The following ABCC8 variants were observed in gnomAD, a reference collection of about 807,000 sequenced individuals.
The protein encoded by ABCC8 is ATP-binding cassette sub-family C member 8.
ABCC8 carries 137 observed loss-of-function variants against 188.0 expected under a neutral mutation model. The observed-to-expected ratio is 0.73, with a 90% CI of 0.63 to 0.84. The LOEUF (loss-of-function observed/expected upper bound fraction) is 0.84. Ranked by LOEUF, ABCC8 falls within the 40% of genes least tolerant of loss-of-function variation. ABCC8 has a pLI of 0.00. For synonymous variants in ABCC8, 797 were observed against 846.5 expected (o/e 0.94, Z 1.01); for missense variants, 1,750 against 2,072.7 (o/e 0.84, Z 3.02).
chr11:17,441,168 T>C (rs1344552855), intron 10 of ABCC8, among the ~76,000 whole-genome samples: 1 of 152,070 alleles, frequency 6.6e-6, no homozygotes, highest in Non-Finnish European at 1.5e-5. Context: ...CCCAGAGATT[T>C]TTTTTCTCCT....
rs774965446 is a variant in ABCC8, at chr11:17,397,199, G to T, written c.3982C>A (p.Leu1328Ile). The T allele has an allele frequency of 8.1e-6, 13 of 1,613,552 alleles. No individual in the cohort carries two copies. Among genetic ancestry groups the T allele is most frequent in the Non-Finnish European group, 9.3e-6 (11 of 1,180,008 alleles). The part of the protein sequence containing the change: ...LKTEAESYEG[L>I]LAPSLIPKNW... ...CTCTCCCTGAGCCTCTCACCCAGGAGCCCCTCGTAGCTCTCTGCCTCGGTT... is the reference window on the plus strand; with the variant it reads ...CTCTCCCTGAGCCTCTCACCCAGGATCCCCTCGTAGCTCTCTGCCTCGGTT... Residue 1328 changes from leucine to isoleucine, a missense_variant, in exon 32 of 39, where the codon CTC becomes ATC. By Grantham distance (5) the Leu-to-Ile change is conservative. Coordinates refer to ENST00000389817, the MANE Select transcript of ABCC8 (RefSeq NM_000352.6).
chr11:17,406,618 G>C lies in ABCC8; in HGVS notation c.3329+4C>G, dbSNP rs765093169. On this transcript the variant is annotated splice_donor_region_variant and intron_variant, in intron 26 of 38. Coordinates refer to ENST00000389817, the MANE Select transcript of ABCC8 (RefSeq NM_000352.6). ...GTCCCAGCCTGGCCAGGGGAGACGG[G>C]TACCTCATGGGGGCTAGGATGATCC... 10 of 1,612,396 alleles carry C rather than the reference G, an allele frequency of 6.2e-6. No individual in the cohort carries two copies. In the South Asian group the frequency reaches 8.8e-5, roughly 14 times the overall value.
intron 31 of ABCC8, 88 bp downstream of exon 31, chr11:17,397,596 C>CTGGGAGTG: frequency 6.6e-7 from 1 of 1,512,494 alleles, no homozygotes; most frequent in South Asian, 1.2e-5. Flanking sequence ...GGGGTAAGGC[C>CTGGGAGTG]TGGGAGTGTC....
chr11:17,424,198 C>A (rs2237987), intron 16 of ABCC8, among the ~76,000 whole-genome samples: 35,390 of 145,430 alleles, frequency 0.24, 5,124 homozygotes, highest in African/African-American at 0.43. Context: ...AGCATTAGGA[C>A]AAATACCTAA....
intron 3 of ABCC8, 104 bp downstream of exon 3, chr11:17,469,997 A>G: frequency 6.9e-7 from 1 of 1,456,072 alleles, no homozygotes; most frequent in Non-Finnish European, 9.6e-7. Context: ...TCTATTCCAA[A>G]TCTCTACTGT....
rs3033411 is a variant in ABCC8 at position 17,467,086 on chromosome 11, A to AC, written c.412+3014_412+3015insG. Among the ~76,000 whole-genome samples the AC allele has an allele frequency of 9.9e-4, 147 of 148,856 alleles. 3 individuals carry two copies. The East Asian group carries it at 0.014, about 14-fold the overall frequency. ...CACACACACACACACACACACACAC[A>AC]ACTTCCCATTGCTGTTGGGATAAAG... is the stretch of plus-strand genomic sequence containing the variant. On this transcript the variant is annotated intron_variant, in intron 3 of 38. Coordinates refer to ENST00000389817, the MANE Select transcript of ABCC8 (RefSeq NM_000352.6).
chr11:17,439,625 G>GA (rs4148616), intron 10 of ABCC8, among the ~76,000 whole-genome samples: 16 of 149,736 alleles, frequency 1.1e-4, no homozygotes, highest in African/African-American at 1.7e-4. Flanking sequence ...CTAACGGAGG[G>GA]AAAAAAAAAC....
chr11:17,463,530 C>T lies in ABCC8; in HGVS notation c.487G>A (p.Gly163Ser), dbSNP rs574487898. 1.1e-4 allele frequency: 181 copies of T among 1,598,578 alleles called. 2 individuals carry two copies. In the South Asian group the frequency reaches 1.7e-3, roughly 15 times the overall value. Reference protein sequence around the residue: ...KFVKFLDHAIGFSQLRFCLTG... With the variant: ...KFVKFLDHAISFSQLRFCLTG... The stretch of plus-strand genomic sequence containing the variant: ...AGGCAGAAGCGTAGCTGCGAGAAGC[C>T]GATGGCGTGGTCCAAGAACTTGACA... Residue 163 changes from glycine (G) to serine (S), a missense_variant, in exon 4 of 39, where the codon GGC becomes AGC. Physicochemically the swap from Gly to Ser is moderately conservative, Grantham distance 56. Transcript: ENST00000389817.
At chr11:17,446,122 T>C (rs1469215865) in intron 8 of ABCC8, among the ~76,000 whole-genome samples, 1 of 151,836 alleles carries the variant, frequency 6.6e-6, no homozygotes, top group Admixed American at 6.6e-5. Context: ...CACGCCATCA[T>C]GCCCGGCTAA....
chr11:17,413,929 A>G (rs999353606), intron 19 of ABCC8, among the ~76,000 whole-genome samples: 1 of 152,182 alleles, frequency 6.6e-6, no homozygotes, highest in Non-Finnish European at 1.5e-5. Flanking sequence ...TCATGGAGGC[A>G]TCAGAGTATG....
rs10658068 is a variant in ABCC8 at position 17,415,065 on chromosome 11, G to GAAGAAAA, written c.2291+232_2291+238dup. Among the ~76,000 whole-genome samples, 144,202 of 150,352 alleles carry GAAGAAAA rather than the reference G, an allele frequency of 0.96. 69,212 individuals are homozygous for GAAGAAAA. The highest frequency in any genetic ancestry group is 1 in the East Asian group (5,114 of 5,120). ...CCACATTTTGAGTGATGTGGTTTTTGAAGAAAAAAGAAAAAGAGATCCCAG... is the reference window on the plus strand; with the variant it reads ...CCACATTTTGAGTGATGTGGTTTTTGAAGAAAAAAGAAAAAAGAAAAAGAGATCCCAG... On this transcript the variant is annotated intron_variant, in intron 18 of 38. Coordinates refer to ENST00000389817, the MANE Select transcript of ABCC8 (RefSeq NM_000352.6).
chr11:17,408,462 T>C lies in ABCC8; in HGVS notation c.2750A>G (p.Gln917Arg). 1 of 1,613,902 alleles carries C rather than the reference T, an allele frequency of 6.2e-7. No individual in the cohort carries two copies. The highest frequency in any genetic ancestry group is 1.1e-5 in the South Asian group (1 of 91,082). The change falls in exon 23 of 39, where the codon CAG (glutamine) becomes CGG (arginine). Residue 917 changes from glutamine to arginine, a missense_variant. Gln to Arg is a conservative substitution (Grantham distance 43). Coordinates refer to ENST00000389817, the MANE Select transcript of ABCC8 (RefSeq NM_000352.6). ...IQREGTLKDF[Q>R]RSECQLFEHW... is the part of the protein sequence containing the mutation. ...CTCAAAGAGCTGGCATTCAGACCTC[T>C]GGAAGTCCTTGAGGGTACCCTCCCT...
intron 24 of ABCC8, 85 bp from the exon 25 acceptor site, chr11:17,407,214 G>C: frequency 6.2e-7 from 1 of 1,604,960 alleles, no homozygotes; most frequent in Non-Finnish European, 8.5e-7. Flanking sequence ...CACTTACTGA[G>C]GGGACAACGG....
chr11:17,474,748 A>G lies in ABCC8; in HGVS notation c.290+138T>C, dbSNP rs547033740. ...GTGCCCAGCTCAGAGAGGTTGGCAC[A>G]TAGAAGACACTGAGCTGCTGGATGT... is the stretch of plus-strand genomic sequence containing the variant. On this transcript the variant is annotated intron_variant, in intron 2 of 38. Coordinates refer to ENST00000389817, the MANE Select transcript of ABCC8 (RefSeq NM_000352.6). 1.4e-4 allele frequency: 134 copies of G among 969,378 alleles called. No individual in the cohort carries two copies. The African/African-American group carries it at 2.0e-3, about 14-fold the overall frequency. 60.0% of individuals were successfully genotyped at this position (969,378 alleles called of 1,614,324 possible).
chr11:17,396,296 T>C (rs777440155), intron 33 of ABCC8: 6 of 402,512 alleles, frequency 1.5e-5, no homozygotes, highest in Non-Finnish European at 2.4e-5. Flanking sequence ...CATGGATGTG[T>C]CTGTGTGCCC....
intron 10 of ABCC8, chr11:17,435,689 C>G: frequency 7.2e-7 from 1 of 1,386,446 alleles, no homozygotes; most frequent in Non-Finnish European, 1.0e-6. Context: ...GCTGCCAGCC[C>G]TACAGAGGAC....
intron 9 of ABCC8, 74 bp from the exon 10 acceptor site, chr11:17,442,956 A>T: frequency 6.2e-7 from 1 of 1,601,650 alleles, no homozygotes; most frequent in Non-Finnish European, 8.5e-7. Flanking sequence ...CTGAGTGTCA[A>T]TACTGTCACT....
At chr11:17,451,958 C>T (rs1281219114) in intron 7 of ABCC8, among the ~76,000 whole-genome samples, 1 of 152,180 alleles carries the variant, frequency 6.6e-6, no homozygotes, top group African/African-American at 2.4e-5. Context: ...CAATACCCAC[C>T]ATGGCTATGG....
chr11:17,462,740 A>T (rs988280496), intron 4 of ABCC8, among the ~76,000 whole-genome samples: 24 of 152,318 alleles, frequency 1.6e-4, no homozygotes, highest in African/African-American at 5.5e-4. Flanking sequence ...GCCATATCAG[A>T]TGGCTTGGAG....
Sources: gnomAD v4.1 joint callset for allele counts (sites outside exome capture counted in the v4.1 genomes callset) on GRCh38, gnomAD v4.1.1 for gene constraint, MANE v1.5 for transcripts, NCBI Gene and HGNC (gene_info 2026-07-23, HGNC 2026-07-21) for gene names.